The following ZNF644 variants were observed in gnomAD, a reference collection of about 807,000 sequenced individuals.
The protein encoded by ZNF644 is zinc finger protein 644, also known as zinc finger motif enhancer binding protein 2.
A neutral mutation model predicts 108.0 loss-of-function variants in ZNF644; 20 were observed. That is an observed-to-expected ratio of 0.19 (90% CI 0.13 to 0.27). The LOEUF is 0.27. ZNF644 is among the 10% of genes least tolerant of loss of function. The pLI, the probability that ZNF644 is intolerant of heterozygous loss-of-function variation, is 1.00. For synonymous variants in ZNF644, 542 were observed against 539.1 expected (o/e 1.01, Z -0.08); for missense variants, 1,338 against 1,548.9 (o/e 0.86, Z 2.29).
rs1648829325 is a variant in ZNF644, at chr1:90,916,958, G to GACAA, written c.3820_3823dup (p.Ser1275PhefsTer9). 6.2e-7 allele frequency: 1 copy of GACAA among 1,614,080 alleles called. No individual in the cohort carries two copies. Among genetic ancestry groups the GACAA allele is most frequent in the South Asian group, 1.1e-5 (1 of 91,090 alleles). On this transcript the variant is annotated frameshift_variant, in exon 6 of 6. Transcript: ENST00000337393. LOFTEE classifies it high-confidence loss of function. ...GTGCTTAATCCAGTCTTCCTGAACA[G>GACAA]ACAAGGGTCCTCGAAAGACTAGGCC...
At chr1:90,952,844 A>G (rs1333525443) in intron 2 of ZNF644, among the ~76,000 whole-genome samples, 1 of 152,112 alleles carries the variant, frequency 6.6e-6, no homozygotes, top group Admixed American at 6.5e-5. Flanking sequence ...GACAAAACAC[A>G]TCAAGCCAAA....
chr1:90,923,995 C>T (rs1159841938), intron 4 of ZNF644, among the ~76,000 whole-genome samples: 3 of 152,196 alleles, frequency 2.0e-5, no homozygotes, highest in East Asian at 3.9e-4. Flanking sequence ...TTGTAGAAGA[C>T]TCCACTATTT....
At chr1:90,973,649 TTTG>T (rs2101345896) in intron 2 of ZNF644, among the ~76,000 whole-genome samples, 1 of 152,234 alleles carries the variant, frequency 6.6e-6, no homozygotes, top group Non-Finnish European at 1.5e-5. Context: ...CATATAAACT[TTTG>T]TTTAAGAAAA....
chr1:90,917,971 A>G, intron 5 of ZNF644, 81 bp downstream of exon 5: 2 of 1,226,098 alleles, frequency 1.6e-6, no homozygotes, highest in Non-Finnish European at 2.4e-6. Context: ...GCCACAAATT[A>G]AAAATCCCAA....
intron 2 of ZNF644, among the ~76,000 whole-genome samples, chr1:90,942,107 A>G (rs928801312): frequency 6.6e-6 from 1 of 152,162 alleles, no homozygotes; most frequent in African/African-American, 2.4e-5. Flanking sequence ...TCAAACTTTC[A>G]TATGTGGGGC....
Position 90,916,640 on chromosome 1 carries a change from T to C in ZNF644, c.*158A>G. The C allele has an allele frequency of 2.7e-6, 2 of 744,608 alleles. No homozygotes were observed. The highest frequency in any genetic ancestry group is 4.5e-6 in the Non-Finnish European group (2 of 448,818). 46.1% of individuals were successfully genotyped at this position (744,608 alleles called of 1,614,324 possible). A position where few individuals can be genotyped will look rare whatever the true frequency, so the allele number is the denominator to read the frequency against. Reference sequence around the variant, plus strand: ...TATATAAAATATATAGACTACTTACTGTTTTAAGTATTCAATTTGCTCTGA... The same window carrying C: ...TATATAAAATATATAGACTACTTACCGTTTTAAGTATTCAATTTGCTCTGA... On this transcript the variant is annotated 3_prime_UTR_variant, in exon 6 of 6. Transcript: ENST00000337393.
rs75408128 is a variant in ZNF644 at position 90,917,383 on chromosome 1, G to A, written c.3792-393C>T. Among the ~76,000 whole-genome samples, 483 of 152,250 alleles carry A rather than the reference G, an allele frequency of 3.2e-3. 2 individuals carry two copies. The highest frequency in any genetic ancestry group is 0.011 in the African/African-American group (472 of 41,542). ...TGTGTGAGTGTGAGTACGGAAGAAG[G>A]CGTGACTATGAGGGGAGAGAAAATG... On this transcript the variant is annotated intron_variant, in intron 5 of 5. Transcript: ENST00000337393.
chr1:90,938,898 C>T lies in ZNF644; in HGVS notation c.2456G>A (p.Ser819Asn). 1.2e-6 allele frequency: 2 copies of T among 1,613,980 alleles called. No homozygotes were observed. Among genetic ancestry groups the T allele is most frequent in the Non-Finnish European group, 8.5e-7 (1 of 1,179,954 alleles). Residue 819 changes from serine (S) to asparagine (N), a missense_variant, in exon 3 of 6, where the codon AGT (serine) becomes AAT (asparagine). Ser to Asn is a conservative substitution (Grantham distance 46). Around this residue, in one of 6 missense-constraint regions of ZNF644, gnomAD observed 462 missense variants for 472.6 expected, o/e 0.98. Coordinates refer to ENST00000337393, the MANE Select transcript of ZNF644 (RefSeq NM_201269.3). The surrounding 1 kb of genome is among the most constrained non-coding windows in gnomAD (Gnocchi z 4.2). ...ATCCAAGTCTTCCCCTCCAACAGAA[C>T]TTTCCTTCTTAGATTCCTTAATTAC... The part of the protein sequence containing the change: ...KRVIKESKKE[S>N]SVGGEDLDSY...
At chr1:90,966,251 C>T (rs1394555895) in intron 2 of ZNF644, among the ~76,000 whole-genome samples, 8 of 152,180 alleles carry the variant, frequency 5.3e-5, no homozygotes, top group African/African-American at 1.9e-4. Flanking sequence ...CTCTTAGTAA[C>T]TCTCTATGCC....
chr1:90,976,779 A>C (rs1375303057), intron 2 of ZNF644, among the ~76,000 whole-genome samples: 1 of 152,180 alleles, frequency 6.6e-6, no homozygotes, highest in Non-Finnish European at 1.5e-5. Context: ...TTGACCCTTC[A>C]TATCTGAAGG....
rs13375051 is a variant in ZNF644, at chr1:90,982,478, T to C, written c.-17-108A>G. 3.9e-3 allele frequency: 2,864 copies of C among 727,556 alleles called. 57 individuals carry two copies. In the African/African-American group the frequency reaches 0.045, roughly 11 times the overall value. 45.1% of individuals were successfully genotyped at this position (727,556 alleles called of 1,614,324 possible). On this transcript the variant is annotated intron_variant, in intron 1 of 5. Transcript: ENST00000337393. ...AAATGAAAAAACACAAACCAAATTA[T>C]ATTTCTTGATATAACATAAAAAAAC... is the stretch of plus-strand genomic sequence containing the variant.
intron 2 of ZNF644, among the ~76,000 whole-genome samples, chr1:90,947,017 C>T (rs1432851058): frequency 2.0e-5 from 3 of 152,152 alleles, no homozygotes; most frequent in African/African-American, 7.2e-5. Context: ...AAGCAGGTAA[C>T]TGTGTGGATG....
rs1406149310 is a variant in ZNF644 at position 90,938,982 on chromosome 1, T to C, written c.2372A>G (p.Lys791Arg). 1 of 1,614,028 alleles carries C rather than the reference T, an allele frequency of 6.2e-7. No homozygotes were observed. The highest frequency in any genetic ancestry group is 1.7e-5 in the Admixed American group (1 of 60,008). ...GCTTTCAGGCCTTTTGGCGTCAGGCTTATGAGGGTCTGAAATAAAATTGTT... is the reference window on the plus strand; with the variant it reads ...GCTTTCAGGCCTTTTGGCGTCAGGCCTATGAGGGTCTGAAATAAAATTGTT... Reference protein sequence around the residue: ...SHNNFISDPHKPDAKRPESFK... With the variant: ...SHNNFISDPHRPDAKRPESFK... Residue 791 changes from lysine (K) to arginine (R), a missense_variant, in exon 3 of 6, where the codon AAG becomes AGG. Physicochemically the swap from Lys to Arg is conservative, Grantham distance 26 (BLOSUM62 2). Coordinates refer to ENST00000337393, the MANE Select transcript of ZNF644 (RefSeq NM_201269.3). The surrounding 1 kb of genome is among the most constrained non-coding windows in gnomAD (Gnocchi z 4.2).
intron 2 of ZNF644, among the ~76,000 whole-genome samples, chr1:90,961,841 G>T (rs190014762): frequency 2.0e-5 from 3 of 151,922 alleles, no homozygotes; most frequent in Non-Finnish European, 4.4e-5. Context: ...TGTCACACTG[G>T]GTAAGTACTA....
At chr1:90,970,949 G>A (rs1241294466) in intron 2 of ZNF644, among the ~76,000 whole-genome samples, 3 of 132,356 alleles carry the variant, frequency 2.3e-5, no homozygotes, top group African/African-American at 5.7e-5. Flanking sequence ...ACAGTGAGCC[G>A]AGATCACACC....
chr1:91,010,987 CAT>C (rs1434302683), intron 1 of ZNF644, among the ~76,000 whole-genome samples: 22 of 152,294 alleles, frequency 1.4e-4, no homozygotes, highest in South Asian at 6.2e-4. Flanking sequence ...TTTTTTTCTA[CAT>C]AGTCAGTTCT....
intron 2 of ZNF644, among the ~76,000 whole-genome samples, chr1:90,957,525 C>T (rs1316373689): frequency 6.6e-6 from 1 of 152,072 alleles, no homozygotes; most frequent in Non-Finnish European, 1.5e-5. Flanking sequence ...AAAGAAAAAA[C>T]ACTACATGAT....
chr1:91,005,027 A>C (rs2101707466), intron 1 of ZNF644, among the ~76,000 whole-genome samples: 1 of 152,300 alleles, frequency 6.6e-6, no homozygotes, highest in African/African-American at 2.4e-5. Flanking sequence ...CAGGCACTCC[A>C]AACAAAAAGC....
intron 2 of ZNF644, among the ~76,000 whole-genome samples, chr1:90,960,363 G>A (rs1654211373): frequency 6.6e-6 from 1 of 152,078 alleles, no homozygotes; most frequent in African/African-American, 2.4e-5. Context: ...AAGAGCTTAG[G>A]TAAAACAGAA....
Sources: gnomAD v4.1 joint callset for allele counts (sites outside exome capture counted in the v4.1 genomes callset) on GRCh38, gnomAD v4.1.1 for gene constraint, gnomAD v4.1.1 regional missense constraint, Gnocchi (gnomAD v3.1) non-coding constraint, MANE v1.5 for transcripts, NCBI Gene and HGNC (gene_info 2026-07-23, HGNC 2026-07-21) for gene names.